TMEM40: variants seen among roughly 807,000 people sequenced by gnomAD.
TMEM40 encodes transmembrane protein 40.
Under a neutral mutation model 40.8 loss-of-function variants are expected in TMEM40, and 34 were observed. The observed-to-expected ratio is 0.83, with a 90% CI of 0.63 to 1.11. TMEM40 has a LOEUF of 1.11. Ranked by LOEUF, TMEM40 falls within the 50% of genes least tolerant of loss-of-function variation. The pLI is 0.00. For synonymous variants in TMEM40, 106 were observed against 107.0 expected, an observed-to-expected ratio of 0.99 and a Z score of 0.06; for missense variants, 296 against 280.2, an observed-to-expected ratio of 1.06 and a Z score of -0.40.
At position 12,755,411 on chromosome 3, in the gene TMEM40, G is replaced by C. The variant is rs572664003; in HGVS notation, c.-9+3780C>G. 2.2e-3 allele frequency among the ~76,000 whole-genome samples: 328 copies of C among 151,840 alleles called. 1 individual carries two copies. Among genetic ancestry groups the C allele is most frequent in the Non-Finnish European group, 4.0e-3 (275 of 67,992 alleles). ...CTGCCTCAGCCTCCCAAAGTGTTGG[G>C]ACTGGCCTTCCAAAGTGTGCTGAGC... On this transcript the variant is annotated intron_variant, in intron 1 of 11. Transcript: ENST00000314124.
At chr3:12,763,483 T>C (rs537805456), upstream of TMEM40, among the ~76,000 whole-genome samples, 16 of 152,272 alleles carry the variant, frequency 1.1e-4, no homozygotes, top group East Asian at 7.7e-4. Flanking sequence ...GGGTGATTCA[T>C]AGGACAACCT....
At position 12,748,757 on chromosome 3, in the gene TMEM40, C is replaced by T. The variant is rs1421457193; in HGVS notation, c.109G>A (p.Ala37Thr). ...ETDFHKQDGK[A>T]GLFSQEQYER... ...TATTGTTCTTGGGAAAAGAGTCCAG[C>T]CTTCCCATCTTGCTTGTGGAAATCT... Residue 37 changes from alanine to threonine, a missense_variant, in exon 3 of 12, where the codon GCT becomes ACT. Transcript: ENST00000314124. 6 of 1,614,098 alleles carry T rather than the reference C, an allele frequency of 3.7e-6. No individual in the cohort carries two copies. In the Admixed American group the frequency reaches 6.7e-5, roughly 18 times the overall value.
At chr3:12,746,050 A>G (rs181845686) in intron 3 of TMEM40, among the ~76,000 whole-genome samples, 2 of 151,874 alleles carry the variant, frequency 1.3e-5, no homozygotes, top group African/African-American at 4.8e-5. Context: ...GGTGCCCACC[A>G]CCACACCTGG....
At chr3:12,736,894 G>A in intron 8 of TMEM40, 59 bp from the exon 9 acceptor site, 1 of 1,608,088 alleles carries the variant, frequency 6.2e-7, no homozygotes, top group Non-Finnish European at 8.5e-7. Flanking sequence ...TTTTTGGGCA[G>A]AGGAGACAAG....
rs1169925324 is a variant in TMEM40, at chr3:12,752,933, C to T, written c.-8-3093G>A. On this transcript the variant is annotated intron_variant, in intron 1 of 11. Coordinates refer to ENST00000314124, the MANE Select transcript of TMEM40 (RefSeq NM_018306.4). ...GTGATGCTGGCTCCTCTTCTCAGGA[C>T]CCTGACACTGGCACCAGGAAAGAGG... Among the ~76,000 whole-genome samples, 5 of 152,154 alleles carry T rather than the reference C, an allele frequency of 3.3e-5. No individual in the cohort carries two copies. In the South Asian group the frequency reaches 1.0e-3, roughly 32 times the overall value.
At chr3:12,762,901 C>T (rs1398138545), upstream of TMEM40, among the ~76,000 whole-genome samples, 12 of 152,120 alleles carry the variant, frequency 7.9e-5, no homozygotes, top group Admixed American at 5.2e-4. Context: ...CGGTGGCTCG[C>T]ACCTGTAATC....
At chr3:12,763,053 G>A (rs1016434454), upstream of TMEM40, among the ~76,000 whole-genome samples, 29 of 148,700 alleles carry the variant, frequency 2.0e-4, no homozygotes, top group African/African-American at 6.2e-4. Context: ...CCAGCTACTC[G>A]GGAGGCTGAG....
At chr3:12,738,024 G>A in intron 7 of TMEM40, 112 bp downstream of exon 7, 1 of 1,337,166 alleles carries the variant, frequency 7.5e-7, no homozygotes, top group Non-Finnish European at 1.1e-6. Flanking sequence ...ACACTGGCTG[G>A]CGACAGCATC....
At chr3:12,768,424 G>A (rs954462294) in intron 1 of TMEM40, among the ~76,000 whole-genome samples, 2 of 152,270 alleles carry the variant, frequency 1.3e-5, no homozygotes, top group Admixed American at 1.3e-4. Flanking sequence ...ACAGAGAGCC[G>A]ATTGGTCCGT....
intron 5 of TMEM40, 85 bp downstream of exon 5, chr3:12,742,369 A>G (rs948480441): frequency 1.4e-6 from 2 of 1,480,250 alleles, no homozygotes; most frequent in East Asian, 2.3e-5. Context: ...CTCATGAATC[A>G]CCCTCATGAC....
At chr3:12,737,548 C>T (rs930921516) in intron 8 of TMEM40, 159 bp downstream of exon 8, 2 of 691,546 alleles carry the variant, frequency 2.9e-6, no homozygotes, top group African/African-American at 3.6e-5. Context: ...ACCATTGTCC[C>T]ACCCTGTTGA....
chr3:12,755,283 C>CTTTCTTTCTTTCTTTCTTTCTTTCT (rs56223138), intron 1 of TMEM40, among the ~76,000 whole-genome samples: 39 of 97,858 alleles, frequency 4.0e-4, no homozygotes, highest in East Asian at 1.3e-3. Flanking sequence ...TTCTTTCTTT[C>CTTTCTTTCTTTCTTTCTTTCTTTCT]TTCTTTTCTA....
upstream of TMEM40, among the ~76,000 whole-genome samples, chr3:12,762,160 A>G (rs1264295976): frequency 6.6e-6 from 1 of 151,830 alleles, no homozygotes; most frequent in Non-Finnish European, 1.5e-5. Context: ...GTGTAGAGAA[A>G]GGGTCTGCTG....
rs115777626 is a variant in TMEM40, at chr3:12,748,977, G to A, written c.74-185C>T. 3.1e-3 allele frequency among the ~76,000 whole-genome samples: 465 copies of A among 152,270 alleles called. 4 individuals are homozygous for A. Among genetic ancestry groups the A allele is most frequent in the African/African-American group, 0.011 (442 of 41,556 alleles). On this transcript the variant is annotated intron_variant, in intron 2 of 11. Coordinates refer to ENST00000314124, the MANE Select transcript of TMEM40 (RefSeq NM_018306.4). ...GCTCTCAGAGATGCCAGGGGCTCAC[G>A]GAAGGCTCAATACAGAGATTTATCT... is the stretch of plus-strand genomic sequence containing the variant.
At chr3:12,739,005 T>C (rs1286435496) in intron 5 of TMEM40, 1 of 198,264 alleles carries the variant, frequency 5.0e-6, no homozygotes, top group Admixed American at 5.3e-5. Flanking sequence ...ATACAAAAAT[T>C]AGCTGGGCAT....
rs774401744 is a variant in TMEM40, at chr3:12,738,563, A to G, written c.381T>C (p.Ser127=). The G allele has an allele frequency of 3.1e-6, 5 of 1,614,096 alleles. No homozygotes were observed. The Admixed American group carries it at 8.3e-5, about 27-fold the overall frequency. The stretch of plus-strand genomic sequence containing the variant: ...TAACTGGACACTCACCTGATTCCCC[A>G]GAGGGTACCACCTCTCCAGGAGCAT... The part of the protein sequence containing the change: ...YGDAPGEVVP[S]GESGLRRRGS... The change falls in exon 6 of 12, where the codon TCT becomes TCC. Residue 127 remains serine, a synonymous_variant. Coordinates refer to ENST00000314124, the MANE Select transcript of TMEM40 (RefSeq NM_018306.4).
upstream of TMEM40, among the ~76,000 whole-genome samples, chr3:12,761,971 T>C (rs1476459313): frequency 6.6e-6 from 1 of 152,170 alleles, no homozygotes; most frequent in Non-Finnish European, 1.5e-5. Flanking sequence ...GGATATATTA[T>C]TATTATTTTG....
Position 12,737,721 on chromosome 3 carries a change from T to C in TMEM40, c.458A>G (p.Asn153Ser), listed in dbSNP as rs367768113. The change falls in exon 8 of 12, where the codon AAT becomes AGT. Residue 153 changes from asparagine to serine, a missense_variant. By Grantham distance (46) the Asn-to-Ser change is conservative (BLOSUM62 1). Transcript: ENST00000314124. ...EVEASQLRRL[N>S]IKKDDEFFHF... ...AAGTTCCTTACCATCTTTCTTTATA[T>C]TCAGTCTTCTTAACTGAGAGGCCTC... 6.2e-7 allele frequency: 1 copy of C among 1,614,018 alleles called. No individual in the cohort carries two copies.
intron 1 of TMEM40, among the ~76,000 whole-genome samples, chr3:12,751,896 C>G (rs896954994): frequency 6.6e-6 from 1 of 152,138 alleles, no homozygotes; most frequent in African/African-American, 2.4e-5. Flanking sequence ...TTTCCAGTCT[C>G]ATCTCCATCC....
Sources: gnomAD v4.1 joint callset for allele counts (sites outside exome capture counted in the v4.1 genomes callset) on GRCh38, gnomAD v4.1.1 for gene constraint, MANE v1.5 for transcripts, NCBI Gene and HGNC (gene_info 2026-07-23, HGNC 2026-07-21) for gene names.